AFF3: variants seen among roughly 807,000 people sequenced by gnomAD.
AFF3 encodes the protein AF4/FMR2 family member 3.
Under a neutral mutation model 129.7 loss-of-function variants are expected in AFF3, and 32 were observed. The ratio of observed to expected loss-of-function variants is 0.25; its 90% CI spans 0.19 to 0.33. The LOEUF is 0.33. Ranked by LOEUF, AFF3 falls within the 10% of genes least tolerant of loss-of-function variation. AFF3 has a pLI of 1.00. For synonymous variants in AFF3, 644 were observed against 635.4 expected, an observed-to-expected ratio of 1.01 and a Z score of -0.20; for missense variants, 1,373 against 1,592.0, an observed-to-expected ratio of 0.86 and a Z score of 2.34.
intron 8 of AFF3, among the ~76,000 whole-genome samples, chr2:99,767,568 C>T (rs542543836): frequency 1.3e-5 from 2 of 152,274 alleles, no homozygotes; most frequent in African/African-American, 4.8e-5. Flanking sequence ...TAACATCACA[C>T]GTTGTAACCC....
intron 7 of AFF3, among the ~76,000 whole-genome samples, chr2:99,912,791 C>T (rs1695192438): frequency 6.6e-6 from 1 of 152,156 alleles, no homozygotes; most frequent in South Asian, 2.1e-4. Flanking sequence ...TATCCATGAG[C>T]AAAATAAATT....
chr2:99,581,872 T>C (rs1405238201), intron 17 of AFF3, among the ~76,000 whole-genome samples: 2 of 149,528 alleles, frequency 1.3e-5, no homozygotes, highest in East Asian at 3.9e-4. Flanking sequence ...TTTTTTTTTT[T>C]GAGACAGAGT....
intron 4 of AFF3, among the ~76,000 whole-genome samples, chr2:100,018,258 T>C (rs72966449): frequency 0.013 from 2,017 of 152,252 alleles, 41 homozygotes; most frequent in African/African-American, 0.045. Context: ...CAGAATGCCA[T>C]GGTAAGTTCA....
At chr2:100,066,546 C>T (rs1407180774) in intron 4 of AFF3, among the ~76,000 whole-genome samples, 2 of 152,054 alleles carry the variant, frequency 1.3e-5, no homozygotes, top group East Asian at 1.9e-4. Context: ...TTCTAATTGG[C>T]ACATTATAGA....
At chr2:100,030,066 A>AAATAATAAT (rs70940193) in intron 4 of AFF3, among the ~76,000 whole-genome samples, 130 of 147,844 alleles carry the variant, frequency 8.8e-4, no homozygotes, top group African/African-American at 2.7e-3. Context: ...GACTGTCTCA[A>AAATAATAAT]AATAATAATA....
chr2:99,776,097 A>C lies in AFF3; in HGVS notation c.922-23796T>G, dbSNP rs1326328161. Among the ~76,000 whole-genome samples, 67 of 152,338 alleles carry C rather than the reference A, an allele frequency of 4.4e-4. 1 individual carries two copies. The highest frequency in any genetic ancestry group is 4.4e-3 in the Admixed American group (67 of 15,304). On this transcript the variant is annotated intron_variant, in intron 8 of 24. Coordinates refer to ENST00000672756, the MANE Select transcript of AFF3 (RefSeq NM_001386135.1). ...ATGACTATCTCTCAGGAGGAAACAA[A>C]GTGTGGGGAACTTTTAAAATACAAC...
intron 7 of AFF3, among the ~76,000 whole-genome samples, chr2:99,913,617 G>A (rs955547921): frequency 1.4e-4 from 22 of 152,146 alleles, no homozygotes; most frequent in Non-Finnish European, 2.9e-4. Flanking sequence ...TCCGGATCTT[G>A]GTTTCTAAAT....
At chr2:99,967,908 A>G (rs1047930628) in intron 7 of AFF3, among the ~76,000 whole-genome samples, 1 of 152,158 alleles carries the variant, frequency 6.6e-6, no homozygotes, top group Non-Finnish European at 1.5e-5. Flanking sequence ...GTCTTTTATA[A>G]CACAATCCAT....
intron 7 of AFF3, among the ~76,000 whole-genome samples, chr2:99,940,533 G>A (rs575337883): frequency 1.3e-5 from 2 of 152,250 alleles, no homozygotes; most frequent in African/African-American, 2.4e-5. Context: ...ACCTCTGGTC[G>A]TCCTCACTGC....
At chr2:99,903,866 T>C (rs1250571314) in intron 7 of AFF3, among the ~76,000 whole-genome samples, 1 of 152,124 alleles carries the variant, frequency 6.6e-6, no homozygotes, top group African/African-American at 2.4e-5. Context: ...TTACAGGAAG[T>C]CCACTCTATT....
At chr2:100,061,135 G>A (rs1211414829) in intron 4 of AFF3, among the ~76,000 whole-genome samples, 3 of 152,144 alleles carry the variant, frequency 2.0e-5, no homozygotes, top group Non-Finnish European at 2.9e-5. Context: ...TCACTGGGAT[G>A]AGAAACTGTT....
intron 8 of AFF3, 90 bp from the exon 9 acceptor site, chr2:99,752,391 A>G: frequency 9.4e-7 from 1 of 1,062,176 alleles, no homozygotes; most frequent in South Asian, 1.4e-5. Context: ...GTGGGCCTTC[A>G]TAAGGCAGGG....
At chr2:99,707,517 G>C in intron 11 of AFF3, 1 of 985,252 alleles carries the variant, frequency 1.0e-6, no homozygotes, top group African/African-American at 1.7e-5. Flanking sequence ...AACATAAACT[G>C]AAGTTAGGTA....
intron 13 of AFF3, among the ~76,000 whole-genome samples, chr2:99,637,236 GT>G (rs372032663): frequency 8.1e-4 from 124 of 152,318 alleles, no homozygotes; most frequent in African/African-American, 2.9e-3. Context: ...ATGAAAAGTA[GT>G]TAAGTAGTTT....
chr2:99,753,181 C>T (rs1681809311), intron 8 of AFF3, among the ~76,000 whole-genome samples: 1 of 152,070 alleles, frequency 6.6e-6, no homozygotes, highest in South Asian at 2.1e-4. Context: ...CTCACTGCAA[C>T]CTCTGCCTCC....
intron 11 of AFF3, among the ~76,000 whole-genome samples, chr2:99,718,195 A>G (rs1407580201): frequency 6.6e-6 from 1 of 152,234 alleles, no homozygotes; most frequent in Non-Finnish European, 1.5e-5. Context: ...ACCATTTTCT[A>G]TAAAAATGTC....
chr2:100,039,200 T>C (rs1467119904), intron 4 of AFF3, among the ~76,000 whole-genome samples: 1 of 152,206 alleles, frequency 6.6e-6, no homozygotes, highest in African/African-American at 2.4e-5. Flanking sequence ...AGCTATCTTA[T>C]CGAATTCACA....
chr2:99,555,343 T>C (rs998720733), intron 22 of AFF3, among the ~76,000 whole-genome samples: 3 of 152,270 alleles, frequency 2.0e-5, no homozygotes, highest in African/African-American at 7.2e-5. Context: ...ATACATTTAC[T>C]TAGTGCCTGA....
At chr2:100,055,474 AAAAAG>A (rs957451039) in intron 4 of AFF3, among the ~76,000 whole-genome samples, 37 of 151,430 alleles carry the variant, frequency 2.4e-4, no homozygotes, top group Non-Finnish European at 3.1e-4. Context: ...AAAAAAAAAA[AAAAAG>A]AAAAGAAAAG....
Sources: gnomAD v4.1 joint callset for allele counts (sites outside exome capture counted in the v4.1 genomes callset) on GRCh38, gnomAD v4.1.1 for gene constraint, MANE v1.5 for transcripts, NCBI Gene and HGNC (gene_info 2026-07-23, HGNC 2026-07-21) for gene names.